FUCA1: variants seen among roughly 807,000 people sequenced by gnomAD.
FUCA1 encodes the protein alpha-L-fucosidase 1.
FUCA1 carries 52 observed loss-of-function variants against 56.8 expected under a neutral mutation model. That is an observed-to-expected ratio of 0.92 (90% CI 0.73 to 1.15). FUCA1 has a LOEUF of 1.15. Ranked by LOEUF, FUCA1 falls within the 50% of genes most tolerant of loss-of-function variation. FUCA1 has a pLI of 0.00. For synonymous variants in FUCA1, 230 were observed against 226.6 expected (o/e 1.02, Z -0.14); for missense variants, 568 against 592.6 (o/e 0.96, Z 0.43).
chr1:23,846,358 G>A (rs1226705431), intron 6 of FUCA1, among the ~76,000 whole-genome samples, 185 bp from the exon 7 acceptor site: 3 of 148,590 alleles, frequency 2.0e-5, no homozygotes, highest in East Asian at 2.0e-4. Context: ...TGTAACCTCC[G>A]CCTCCTGGGT....
intron 2 of FUCA1, 75 bp downstream of exon 2, chr1:23,865,416 G>C (rs182688504): frequency 2.6e-5 from 41 of 1,588,334 alleles, no homozygotes; most frequent in Non-Finnish European, 3.5e-5. Context: ...GAAAACACAC[G>C]CAAGTAGAGG....
chr1:23,863,292 A>G, intron 2 of FUCA1, 21 bp from the exon 3 acceptor site: 1 of 1,610,270 alleles, frequency 6.2e-7, no homozygotes, highest in Non-Finnish European at 8.5e-7. Context: ...AAAACAGAAC[A>G]GCAACTGTCA....
chr1:23,848,724 A>T lies in FUCA1; in HGVS notation c.1085T>A (p.Leu362Gln), dbSNP rs901586547. ...ATAGATAGCCTCCCCATTGATGCTC[A>T]GCCATTTCCCAACAGCAAGAAGCCT... ...QERLLAVGKW[L>Q]SINGEAIYAS... The change falls in exon 6 of 8, where the codon CTG (leucine) becomes CAG (glutamine). Residue 362 changes from leucine (L) to glutamine (Q), a missense_variant. Transcript: ENST00000374479. 2 of 1,614,082 alleles carry T rather than the reference A, an allele frequency of 1.2e-6. No individual in the cohort carries two copies.
At chr1:23,854,635 C>G in intron 4 of FUCA1, 75 bp from the exon 5 acceptor site, 1 of 1,252,200 alleles carries the variant, frequency 8.0e-7, no homozygotes, top group Non-Finnish European at 1.2e-6. Context: ...TTTGGTAAGG[C>G]TCTATTTGGA....
intron 5 of FUCA1, among the ~76,000 whole-genome samples, chr1:23,852,795 T>C (rs1295578069): frequency 2.6e-5 from 4 of 152,146 alleles, no homozygotes; most frequent in Admixed American, 6.6e-5. Context: ...GTGCCCAGGC[T>C]GGAGTGCAGT....
In FUCA1 at chr1:23,867,884, G is replaced by C. The variant is rs553138426; in HGVS notation, c.389+14C>G. The C allele has an allele frequency of 6.5e-6, 10 of 1,541,750 alleles. No homozygotes were observed. In the South Asian group the frequency reaches 1.2e-4, roughly 18 times the overall value. ...GAGCCGGGAAGGGGCGCCGCTCCCC[G>C]GGACCACACTCACTTGGCGCCCGCG... On this transcript the variant is annotated intron_variant, in intron 1 of 7. Coordinates refer to ENST00000374479, the MANE Select transcript of FUCA1 (RefSeq NM_000147.5). The surrounding 1 kb of genome is among the most constrained non-coding windows in gnomAD (Gnocchi z 4.9).
chr1:23,857,885 G>A (rs1359090259), intron 4 of FUCA1, among the ~76,000 whole-genome samples: 1 of 151,538 alleles, frequency 6.6e-6, no homozygotes, highest in Non-Finnish European at 1.5e-5. Context: ...AGCCAGGCTG[G>A]TCCTGAACTC....
chr1:23,865,737 G>A, intron 1 of FUCA1, 112 bp from the exon 2 acceptor site: 1 of 1,180,612 alleles, frequency 8.5e-7, no homozygotes, highest in South Asian at 1.2e-5. Flanking sequence ...CACAACAAAT[G>A]TACTTGTACC....
chr1:23,856,885 G>C (rs1347770399), intron 4 of FUCA1, among the ~76,000 whole-genome samples: 1 of 151,926 alleles, frequency 6.6e-6, no homozygotes, highest in Non-Finnish European at 1.5e-5. Flanking sequence ...CCAGCTACTC[G>C]GGAGGCTGAG....
At chr1:23,865,993 T>A (rs1570690607) in intron 1 of FUCA1, among the ~76,000 whole-genome samples, 1 of 152,208 alleles carries the variant, frequency 6.6e-6, no homozygotes, top group African/African-American at 2.4e-5. Flanking sequence ...AGAGCTCTAC[T>A]GGAAATGGCA....
intron 2 of FUCA1, among the ~76,000 whole-genome samples, chr1:23,864,334 C>G (rs1008588482): frequency 1.3e-5 from 2 of 152,044 alleles, no homozygotes; most frequent in African/African-American, 4.8e-5. Flanking sequence ...ATGATCCACC[C>G]GCCTCGGCCT....
intron 3 of FUCA1, among the ~76,000 whole-genome samples, chr1:23,861,896 GTGATTTACTGTGTATAAGAAATT>G (rs1639518648): frequency 6.6e-6 from 1 of 152,206 alleles, no homozygotes; most frequent in Non-Finnish European, 1.5e-5. Context: ...CAGATGGTCT[GTGATTTACTGTGTATAAGAAATT>G]GTACTAGGCA....
At chr1:23,863,434 CACTTA>C (rs1557514709) in intron 2 of FUCA1, among the ~76,000 whole-genome samples, 163 bp from the exon 3 acceptor site, 1 of 152,214 alleles carries the variant, frequency 6.6e-6, no homozygotes, top group Non-Finnish European at 1.5e-5. Flanking sequence ...ATTCACTATT[CACTTA>C]AGCAAAATGA....
intron 5 of FUCA1, among the ~76,000 whole-genome samples, chr1:23,853,599 A>G (rs952816508): frequency 2.0e-5 from 3 of 151,806 alleles, no homozygotes; most frequent in Admixed American, 6.6e-5. Context: ...CATGATGACA[A>G]TGGCGGTTTT....
At chr1:23,860,055 A>T in intron 3 of FUCA1, 152 bp from the exon 4 acceptor site, 1 of 635,698 alleles carries the variant, frequency 1.6e-6, no homozygotes. Context: ...AATGCACTAT[A>T]GTCTCGAATT....
intron 6 of FUCA1, among the ~76,000 whole-genome samples, chr1:23,847,546 C>A (rs993210108): frequency 1.3e-5 from 2 of 152,082 alleles, no homozygotes; most frequent in African/African-American, 4.8e-5. Context: ...GTAATCAGGG[C>A]AGGGCCCCAT....
chr1:23,859,553 G>A (rs1048287002), intron 4 of FUCA1, among the ~76,000 whole-genome samples: 5 of 150,596 alleles, frequency 3.3e-5, no homozygotes, highest in Admixed American at 3.3e-4. Context: ...GTGACAGAGT[G>A]AGCCTCTGTC....
chr1:23,865,444 C>T (rs1639602231), intron 2 of FUCA1, 47 bp downstream of exon 2: 1 of 1,613,480 alleles, frequency 6.2e-7, no homozygotes, highest in East Asian at 2.2e-5. Context: ...GAACTCTTGA[C>T]AGCCAGATCC....
At chr1:23,865,879 G>C (rs924718164) in intron 1 of FUCA1, among the ~76,000 whole-genome samples, 7 of 152,188 alleles carry the variant, frequency 4.6e-5, no homozygotes, top group African/African-American at 1.4e-4. Flanking sequence ...CCAGAGGGAA[G>C]GAAGGAGTGG....
Sources: allele counts gnomAD v4.1 joint callset (sites outside exome capture counted in the v4.1 genomes callset), GRCh38; gene constraint gnomAD v4.1.1; non-coding constraint Gnocchi (gnomAD v3.1); transcripts MANE v1.5; gene names NCBI Gene and HGNC (gene_info 2026-07-23, HGNC 2026-07-21).